Variants in AMOTL1 observed in about 807,000 individuals in gnomAD.
AMOTL1 encodes the protein angiomotin-like protein 1.
AMOTL1 carries 45 observed loss-of-function variants against 102.9 expected under a neutral mutation model. That is an observed-to-expected ratio of 0.44 (90% CI 0.34 to 0.56). AMOTL1 has a LOEUF of 0.56. AMOTL1 is among the 20% of genes least tolerant of loss of function. AMOTL1 has a pLI of 0.01. For synonymous variants in AMOTL1, 481 were observed against 484.7 expected, an observed-to-expected ratio of 0.99 and a Z score of 0.10; for missense variants, 1,114 against 1,225.6, an observed-to-expected ratio of 0.91 and a Z score of 1.36.
chr11:94,745,450 A>G (rs1020458438), intron 3 of AMOTL1, among the ~76,000 whole-genome samples: 1 of 152,216 alleles, frequency 6.6e-6, no homozygotes, highest in African/African-American at 2.4e-5. Context: ...TGAATAAAAA[A>G]AAGATGCTCC....
chr11:94,741,053 G>C, intron 3 of AMOTL1: 1 of 1,242,720 alleles, frequency 8.0e-7, no homozygotes, highest in Admixed American at 2.3e-5. Flanking sequence ...GCGAGTTTGG[G>C]GGGCGTCCAT....
At chr11:94,817,092 T>G (rs1951778654) in intron 3 of AMOTL1, among the ~76,000 whole-genome samples, 1 of 152,206 alleles carries the variant, frequency 6.6e-6, no homozygotes, top group South Asian at 2.1e-4. Flanking sequence ...ATGGTCAAGA[T>G]AATTAAAATT....
intron 6 of AMOTL1, among the ~76,000 whole-genome samples, chr11:94,842,602 C>T (rs1183913654): frequency 6.6e-6 from 1 of 152,210 alleles, no homozygotes; most frequent in Middle Eastern, 3.2e-3. Context: ...CCCATATTAT[C>T]CATCTCTCCA....
chr11:94,707,250 C>CTCTCTGTGTG (rs1338023479), intron 1 of AMOTL1, among the ~76,000 whole-genome samples: 59 of 71,800 alleles, frequency 8.2e-4, no homozygotes, highest in East Asian at 4.9e-3. Context: ...CTCTCTCTCT[C>CTCTCTGTGTG]TGTGTGTGTG....
At chr11:94,791,608 A>G (rs1951287112) in intron 1 of AMOTL1, among the ~76,000 whole-genome samples, 1 of 152,206 alleles carries the variant, frequency 6.6e-6, no homozygotes, top group East Asian at 1.9e-4. Flanking sequence ...GGTCCTTGGC[A>G]GGCTGTGGGC....
At chr11:94,867,134 G>A (rs1246505693) in intron 11 of AMOTL1, among the ~76,000 whole-genome samples, 1 of 152,160 alleles carries the variant, frequency 6.6e-6, no homozygotes, top group East Asian at 1.9e-4. Flanking sequence ...TGGCTGCTCT[G>A]GGCCAGAGGG....
intron 3 of AMOTL1, among the ~76,000 whole-genome samples, chr11:94,803,474 A>G (rs902202621): frequency 1.3e-5 from 2 of 152,176 alleles, no homozygotes; most frequent in African/African-American, 2.4e-5. Context: ...TTGGCTAGGG[A>G]TGAAGGCTCT....
intron 1 of AMOTL1, among the ~76,000 whole-genome samples, chr11:94,714,054 A>G (rs1488772655): frequency 6.6e-6 from 1 of 152,008 alleles, no homozygotes; most frequent in African/African-American, 2.4e-5. Context: ...AAGCTGAGGA[A>G]GCTTCCCTTT....
At chr11:94,831,317 C>G (rs1483419297) in intron 5 of AMOTL1, 135 bp from the exon 6 acceptor site, 41 of 611,180 alleles carry the variant, frequency 6.7e-5, no homozygotes, top group Non-Finnish European at 1.7e-5. Context: ...ACTGTCTGTC[C>G]CCAAGTTGTT....
Position 94,771,628 on chromosome 11 carries a change from T to C in AMOTL1, c.49+3068T>C, listed in dbSNP as rs111940332. ...GGCCATTGTGGGTAGGGCAGTCCTC[T>C]ACTTTTGCTGGAAGGAAGCCACTCC... On this transcript the variant is annotated intron_variant, in intron 1 of 12. Transcript: ENST00000433060. Among the ~76,000 whole-genome samples, 740 of 152,310 alleles carry C rather than the reference T, an allele frequency of 4.9e-3. 2 individuals are homozygous for C. Among genetic ancestry groups the C allele is most frequent in the African/African-American group, 0.017 (697 of 41,556 alleles).
chr11:94,862,593 T>C (rs1430917680), intron 9 of AMOTL1, among the ~76,000 whole-genome samples: 1 of 152,206 alleles, frequency 6.6e-6, no homozygotes, highest in African/African-American at 2.4e-5. Flanking sequence ...GTTTTGAAAA[T>C]TTTTAAAAAT....
At chr11:94,730,354 C>T (rs938516909) in intron 2 of AMOTL1, among the ~76,000 whole-genome samples, 11 of 152,182 alleles carry the variant, frequency 7.2e-5, no homozygotes, top group African/African-American at 2.7e-4. Flanking sequence ...TATCATCTCT[C>T]TTCCACTTGG....
intron 1 of AMOTL1, 57 bp from the exon 2 acceptor site, chr11:94,794,954 C>A: frequency 6.5e-7 from 1 of 1,528,362 alleles, no homozygotes. Flanking sequence ...GTGAGTCACA[C>A]AGGAAGGAAG....
intron 4 of AMOTL1, among the ~76,000 whole-genome samples, chr11:94,823,295 T>G (rs1951901443): frequency 6.6e-6 from 1 of 152,138 alleles, no homozygotes; most frequent in African/African-American, 2.4e-5. Flanking sequence ...CTGAGGGAGC[T>G]CTGGCTGCCT....
rs769782140 is a variant in AMOTL1, at chr11:94,870,824, AACACTGACAAAC to A, written c.*31_*42del. The A allele has an allele frequency of 3.1e-5, 47 of 1,521,550 alleles. No homozygotes were observed. Among genetic ancestry groups the A allele is most frequent in the Non-Finnish European group, 4.1e-5 (46 of 1,120,350 alleles). The allele number at this position is 1,521,550 out of a possible 1,614,324, so 94.3% of individuals were successfully genotyped here. A position where few individuals can be genotyped will look rare whatever the true frequency, so the allele number is the denominator to read the frequency against. On this transcript the variant is annotated 3_prime_UTR_variant, in exon 13 of 13. Coordinates refer to ENST00000433060, the MANE Select transcript of AMOTL1 (RefSeq NM_130847.3). ...CCATCCCTGTGGAATTTCAGTACAGAACACTGACAAACAAGGAAAGCGGCAGAGAAAGAAGAA... is the reference window on the plus strand; with the variant it reads ...CCATCCCTGTGGAATTTCAGTACAGAAAGGAAAGCGGCAGAGAAAGAAGAA...
At chr11:94,812,475 T>A (rs1340740900) in intron 3 of AMOTL1, among the ~76,000 whole-genome samples, 1 of 152,164 alleles carries the variant, frequency 6.6e-6, no homozygotes, top group African/African-American at 2.4e-5. Context: ...TATGCCTTAG[T>A]CTTGCTTAGT....
At chr11:94,720,483 A>T (rs1950158926) in intron 1 of AMOTL1, among the ~76,000 whole-genome samples, 1 of 152,126 alleles carries the variant, frequency 6.6e-6, no homozygotes, top group Non-Finnish European at 1.5e-5. Context: ...CACTTTGTTA[A>T]AATGAAATGG....
At chr11:94,761,529 G>T (rs1314556240) in intron 3 of AMOTL1, among the ~76,000 whole-genome samples, 1 of 151,924 alleles carries the variant, frequency 6.6e-6, no homozygotes, top group Non-Finnish European at 1.5e-5. Context: ...TTTTTTTCTA[G>T]TTATTTTTAA....
chr11:94,779,768 C>G (rs182244369), intron 1 of AMOTL1, among the ~76,000 whole-genome samples: 11 of 151,672 alleles, frequency 7.3e-5, no homozygotes, highest in African/African-American at 2.7e-4. Context: ...ATTTTGAGAC[C>G]CTTGATTTGG....
Sources: gnomAD v4.1 joint callset for allele counts (sites outside exome capture counted in the v4.1 genomes callset) on GRCh38, gnomAD v4.1.1 for gene constraint, MANE v1.5 for transcripts, NCBI Gene and HGNC (gene_info 2026-07-23, HGNC 2026-07-21) for gene names.